The following MAP3K13 variants were observed in gnomAD, a reference collection of about 807,000 sequenced individuals.
MAP3K13 encodes leucine zipper-bearing kinase.
Under a neutral mutation model 104.0 loss-of-function variants are expected in MAP3K13, and 52 were observed. The observed-to-expected ratio is 0.50, with a 90% CI of 0.40 to 0.63. The LOEUF is 0.63. Ranked by LOEUF, MAP3K13 falls within the 20% of genes least tolerant of loss-of-function variation. The pLI is 0.00. For missense variants in MAP3K13, 914 were observed against 1,218.5 expected (o/e 0.75, Z 3.72); for synonymous variants, 394 against 442.2 (o/e 0.89, Z 1.37).
intron 1 of MAP3K13, among the ~76,000 whole-genome samples, chr3:185,419,225 C>T (rs1286930305): frequency 6.6e-6 from 1 of 152,192 alleles, no homozygotes; most frequent in Non-Finnish European, 1.5e-5. Flanking sequence ...TGGTCTCGAA[C>T]TCCTGACCTC....
intron 11 of MAP3K13, among the ~76,000 whole-genome samples, chr3:185,475,889 T>C (rs1718092853): frequency 6.6e-6 from 1 of 152,160 alleles, no homozygotes; most frequent in South Asian, 2.1e-4. Flanking sequence ...TTTCAGCTGG[T>C]GCAGTTGATT....
At chr3:185,323,333 C>CTTTT (rs869206853) in intron 2 of MAP3K13, among the ~76,000 whole-genome samples, 4 of 134,316 alleles carry the variant, frequency 3.0e-5, no homozygotes, top group Non-Finnish European at 3.2e-5. Flanking sequence ...TTTGGCATAC[C>CTTTT]TTTTTTTTTT....
At chr3:185,456,582 C>G (rs1716760889) in intron 7 of MAP3K13, among the ~76,000 whole-genome samples, 1 of 148,894 alleles carries the variant, frequency 6.7e-6, no homozygotes, top group Non-Finnish European at 1.5e-5. Flanking sequence ...GTTGCAATCA[C>G]AGCTTTGCTT....
chr3:185,384,336 G>GTGTGTGTGTGTT (rs779559634), intron 1 of MAP3K13, among the ~76,000 whole-genome samples: 32 of 151,884 alleles, frequency 2.1e-4, no homozygotes, highest in Middle Eastern at 3.4e-3. Flanking sequence ...GTGTGTGTGT[G>GTGTGTGTGTGTT]TGAGACACAT....
chr3:185,456,231 C>T (rs1716736526), intron 7 of MAP3K13, among the ~76,000 whole-genome samples: 1 of 152,014 alleles, frequency 6.6e-6, no homozygotes, highest in South Asian at 2.1e-4. Flanking sequence ...CTCTCTGATC[C>T]ATAAACTTAG....
At chr3:185,435,653 C>T (rs139077733) in intron 2 of MAP3K13, among the ~76,000 whole-genome samples, 38 of 152,246 alleles carry the variant, frequency 2.5e-4, no homozygotes, top group African/African-American at 8.7e-4. Flanking sequence ...ATCAGGAGAA[C>T]GGGATGAAGG....
chr3:185,284,091 G>A (rs1390961901), intron 1 of MAP3K13, among the ~76,000 whole-genome samples: 1 of 151,516 alleles, frequency 6.6e-6, no homozygotes, highest in Non-Finnish European at 1.5e-5. Flanking sequence ...TAGAGCCTCG[G>A]CCTCCCAAAG....
At chr3:185,285,901 G>C (rs368831470) in intron 2 of MAP3K13, among the ~76,000 whole-genome samples, 28 of 152,060 alleles carry the variant, frequency 1.8e-4, no homozygotes, top group African/African-American at 4.8e-4. Context: ...CTTTTTTTAG[G>C]GGGGAGCTTC....
At chr3:185,345,840 C>T (rs1722900552) in intron 2 of MAP3K13, among the ~76,000 whole-genome samples, 1 of 139,626 alleles carries the variant, frequency 7.2e-6, no homozygotes, top group African/African-American at 2.6e-5. Context: ...CCCCTCCCAT[C>T]CCGCCCCCTA....
At chr3:185,350,249 G>T (rs577977268) in intron 2 of MAP3K13, among the ~76,000 whole-genome samples, 1 of 152,152 alleles carries the variant, frequency 6.6e-6, no homozygotes, top group Admixed American at 6.5e-5. Context: ...GCAGTGGCGC[G>T]ATCTCGGCTC....
At chr3:185,318,198 T>C (rs755476118) in intron 2 of MAP3K13, among the ~76,000 whole-genome samples, 22 of 152,188 alleles carry the variant, frequency 1.4e-4, no homozygotes, top group Non-Finnish European at 2.4e-4. Context: ...TTAAAAAAAA[T>C]GGCTTCCCAT....
At chr3:185,347,090 T>G (rs9827215) in intron 2 of MAP3K13, among the ~76,000 whole-genome samples, 41,346 of 150,282 alleles carry the variant, frequency 0.28, 8,045 homozygotes, top group African/African-American at 0.55. Flanking sequence ...GGGTTCAAGC[T>G]ATTCTCCTGC....
At chr3:185,445,197 C>T (rs12053946) in intron 4 of MAP3K13, among the ~76,000 whole-genome samples, 123,463 of 152,008 alleles carry the variant, frequency 0.81, 51,212 homozygotes, top group East Asian at 0.91. Flanking sequence ...GGCTAGGACT[C>T]GAACCTAGAA....
intron 1 of MAP3K13, among the ~76,000 whole-genome samples, chr3:185,378,384 G>A (rs1400672875): frequency 3.3e-5 from 5 of 152,138 alleles, no homozygotes; most frequent in Non-Finnish European, 7.4e-5. Flanking sequence ...GAGCCTAAAC[G>A]CTATCTGATT....
At chr3:185,371,867 G>C (rs754242976) in intron 1 of MAP3K13, among the ~76,000 whole-genome samples, 1 of 152,102 alleles carries the variant, frequency 6.6e-6, no homozygotes, top group African/African-American at 2.4e-5. Flanking sequence ...GCCCACTAAG[G>C]CTCCTTATTA....
intron 2 of MAP3K13, among the ~76,000 whole-genome samples, chr3:185,313,277 T>G (rs1474960785): frequency 2.0e-5 from 3 of 151,394 alleles, no homozygotes; most frequent in Non-Finnish European, 4.4e-5. Flanking sequence ...AAGTTTTTTT[T>G]TTTTTTTTTT....
At chr3:185,344,596 G>GC (rs749389240) in intron 2 of MAP3K13, among the ~76,000 whole-genome samples, 5 of 151,828 alleles carry the variant, frequency 3.3e-5, no homozygotes, top group African/African-American at 9.7e-5. Flanking sequence ...AATCACTTCC[G>GC]CCCCCCTTAT....
intron 1 of MAP3K13, among the ~76,000 whole-genome samples, chr3:185,368,543 A>G (rs1290702015): frequency 6.6e-6 from 1 of 152,186 alleles, no homozygotes; most frequent in Non-Finnish European, 1.5e-5. Flanking sequence ...GAGGATTATC[A>G]CATAATAACC....
At position 185,396,713 on chromosome 3, in the gene MAP3K13, G is replaced by A. The variant is rs143017964; in HGVS notation, c.-85-31784G>A. On this transcript the variant is annotated intron_variant, in intron 1 of 13. Transcript: ENST00000265026. Reference sequence around the variant, plus strand: ...GCCGATGGAGCACACCTGCTGTAGGGAGCATCTAGTTGTCCCCAAACAAAT... The same window carrying A: ...GCCGATGGAGCACACCTGCTGTAGGAAGCATCTAGTTGTCCCCAAACAAAT... Among the ~76,000 whole-genome samples the A allele has an allele frequency of 5.8e-3, 883 of 152,288 alleles. 1 individual carries two copies. Among genetic ancestry groups the A allele is most frequent in the Non-Finnish European group, 0.01 (681 of 68,022 alleles).
Sources: gnomAD v4.1 joint callset for allele counts (sites outside exome capture counted in the v4.1 genomes callset) on GRCh38, gnomAD v4.1.1 for gene constraint, MANE v1.5 for transcripts, NCBI Gene and HGNC (gene_info 2026-07-23, HGNC 2026-07-21) for gene names.